PHKB: variants seen among roughly 807,000 people sequenced by gnomAD.
PHKB encodes the protein phosphorylase kinase regulatory subunit beta, also known as phosphorylase b kinase regulatory subunit beta.
PHKB carries 122 observed loss-of-function variants against 152.1 expected under a neutral mutation model. The observed-to-expected ratio is 0.80, with a 90% CI of 0.69 to 0.93. The LOEUF is 0.93. PHKB is among the 40% of genes least tolerant of loss of function. PHKB has a pLI of 0.00. For synonymous variants in PHKB, 436 were observed against 464.9 expected, an observed-to-expected ratio of 0.94 and a Z score of 0.80; for missense variants, 1,304 against 1,328.4, an observed-to-expected ratio of 0.98 and a Z score of 0.29.
chr16:47,502,894 A>G, intron 3 of PHKB, 97 bp from the exon 4 acceptor site: 1 of 778,494 alleles, frequency 1.3e-6, no homozygotes. Flanking sequence ...ACCAGAACAC[A>G]GGATTAGCCA....
rs111970242 is a variant in PHKB at position 47,649,153 on chromosome 16, A to G, written c.1746A>G (p.Leu582=). 1.7e-4 allele frequency: 267 copies of G among 1,610,656 alleles called. 4 individuals are homozygous for G. The African/African-American group carries it at 2.8e-3, about 17-fold the overall frequency. ...TTTGTTACCCGATTATTTTCGACCTAAGTGATTTCTACATGTCTCAGGATG... is the reference window on the plus strand; with the variant it reads ...TTTGTTACCCGATTATTTTCGACCTGAGTGATTTCTACATGTCTCAGGATG... ...TVVCYPIIFD[L]SDFYMSQDVF... The change falls in exon 18 of 31, where the codon CTA becomes CTG. Residue 582 remains leucine, a synonymous_variant. Transcript: ENST00000323584.
chr16:47,561,456 A>G (rs1378267516), intron 7 of PHKB: 1 of 152,226 alleles, frequency 6.6e-6, no homozygotes, highest in East Asian at 1.9e-4. Context: ...TCAATGAGAA[A>G]TTGTACAAGA....
Position 47,477,450 on chromosome 16 carries a change from T to C in PHKB, c.76+16024T>C, listed in dbSNP as rs560824717. ...ATGAACTTTCCAGCACTATGTGTTGTCTAATAATTTAAACTTTTTACTTGG... is the reference window on the plus strand; with the variant it reads ...ATGAACTTTCCAGCACTATGTGTTGCCTAATAATTTAAACTTTTTACTTGG... On this transcript the variant is annotated intron_variant, in intron 1 of 30. Coordinates refer to ENST00000323584, the MANE Select transcript of PHKB (RefSeq NM_000293.3). 3.3e-5 allele frequency among the ~76,000 whole-genome samples: 5 copies of C among 152,284 alleles called. No homozygotes were observed. The East Asian group carries it at 7.7e-4, about 23-fold the overall frequency.
chr16:47,636,912 G>C (rs988869280), intron 14 of PHKB, among the ~76,000 whole-genome samples: 1 of 152,174 alleles, frequency 6.6e-6, no homozygotes, highest in African/African-American at 2.4e-5. Flanking sequence ...AGCCCAGAGT[G>C]AGAAACTGTG....
chr16:47,519,549 C>CA (rs1400215855), intron 6 of PHKB, among the ~76,000 whole-genome samples: 2 of 152,180 alleles, frequency 1.3e-5, no homozygotes, highest in African/African-American at 4.8e-5. Context: ...CTGTTATTAG[C>CA]AAGAGACCTT....
At chr16:47,673,083 A>T (rs936628968) in intron 26 of PHKB, among the ~76,000 whole-genome samples, 1 of 151,792 alleles carries the variant, frequency 6.6e-6, no homozygotes, top group African/African-American at 2.4e-5. Flanking sequence ...GTCTCACGAG[A>T]TCAGTTCTAA....
chr16:47,538,362 G>C (rs1187436097), intron 6 of PHKB, among the ~76,000 whole-genome samples: 1 of 152,216 alleles, frequency 6.6e-6, no homozygotes, highest in Non-Finnish European at 1.5e-5. Flanking sequence ...CCCGAGTTGG[G>C]TAAGCTGAGG....
At chr16:47,527,907 T>A (rs1427014866) in intron 6 of PHKB, among the ~76,000 whole-genome samples, 1 of 152,154 alleles carries the variant, frequency 6.6e-6, no homozygotes, top group East Asian at 1.9e-4. Flanking sequence ...GAGCAAGGTC[T>A]CAGGAGAAAC....
chr16:47,473,214 G>T (rs1304674883), intron 1 of PHKB, among the ~76,000 whole-genome samples: 2 of 95,010 alleles, frequency 2.1e-5, no homozygotes, highest in African/African-American at 6.6e-5. Context: ...ACCATGCCTG[G>T]CTAATTTTTT....
intron 7 of PHKB, chr16:47,565,308 T>C: frequency 1.3e-6 from 1 of 759,576 alleles, no homozygotes; most frequent in Non-Finnish European, 2.4e-6. Flanking sequence ...GTTTGGTCTT[T>C]GGGGACATTC....
intron 26 of PHKB, among the ~76,000 whole-genome samples, chr16:47,680,405 A>C (rs963113562): frequency 6.6e-6 from 1 of 151,910 alleles, no homozygotes; most frequent in Non-Finnish European, 1.5e-5. Flanking sequence ...GTCCTGGACT[A>C]TTTTTGGTTG....
In PHKB at chr16:47,626,256, G is replaced by C. The variant is rs1972708501; in HGVS notation, c.1459-14779G>C. Among the ~76,000 whole-genome samples, 3 of 152,248 alleles carry C rather than the reference G, an allele frequency of 2.0e-5. No homozygotes were observed. In the South Asian group the frequency reaches 6.2e-4, roughly 31 times the overall value. ...AGAAACAGTTTGGCCTCAACTCAGT[G>C]AAGATGGCTCTGTGGTGCTAAAGGC... On this transcript the variant is annotated intron_variant, in intron 14 of 30. Coordinates refer to ENST00000323584, the MANE Select transcript of PHKB (RefSeq NM_000293.3).
rs557883273 is a variant in PHKB at position 47,595,128 on chromosome 16, A to G, written c.1204+914A>G. Reference sequence around the variant, plus strand: ...GAGAAATAATGTATTAAATTTTGTAATGCATGTAATATTTGAAATCCTTTG... The same window carrying G: ...GAGAAATAATGTATTAAATTTTGTAGTGCATGTAATATTTGAAATCCTTTG... On this transcript the variant is annotated intron_variant, in intron 12 of 30. Coordinates refer to ENST00000323584, the MANE Select transcript of PHKB (RefSeq NM_000293.3). Among the ~76,000 whole-genome samples the G allele has an allele frequency of 4.6e-5, 7 of 152,336 alleles. No homozygotes were observed. In the East Asian group the frequency reaches 1.3e-3, roughly 29 times the overall value.
chr16:47,553,102 C>T (rs1971302976), intron 7 of PHKB, among the ~76,000 whole-genome samples: 1 of 152,082 alleles, frequency 6.6e-6, no homozygotes, highest in Non-Finnish European at 1.5e-5. Flanking sequence ...TGGGGAAGTT[C>T]TCCTGGATAA....
At chr16:47,668,865 C>T (rs1973586051) in intron 25 of PHKB, among the ~76,000 whole-genome samples, 2 of 152,100 alleles carry the variant, frequency 1.3e-5, no homozygotes, top group Non-Finnish European at 2.9e-5. Flanking sequence ...TAAAGTGAAA[C>T]TCTTCAACCT....
rs758161607 is a variant in PHKB, at chr16:47,649,195, T to C, written c.1788T>C (p.Asp596=). The change falls in exon 18 of 31, where the codon GAT becomes GAC. Residue 596 remains aspartate (D), a synonymous_variant. Transcript: ENST00000323584. Reference sequence around the variant, plus strand: ...CTCAGGATGTTTTCCTGCTGATAGATGACATAAAGGTAGCTTCGGAACACC... The same window carrying C: ...CTCAGGATGTTTTCCTGCTGATAGACGACATAAAGGTAGCTTCGGAACACC... ...YMSQDVFLLI[D]DIKNALQFIK... 6 of 1,566,938 alleles carry C rather than the reference T, an allele frequency of 3.8e-6. No homozygotes were observed. The highest frequency in any genetic ancestry group is 1.7e-5 in the Admixed American group (1 of 59,960).
Position 47,464,843 on chromosome 16 carries a change from G to T in PHKB, c.76+3417G>T, listed in dbSNP as rs528464806. Among the ~76,000 whole-genome samples the T allele has an allele frequency of 3.9e-5, 6 of 152,276 alleles. No individual in the cohort carries two copies. In the East Asian group the frequency reaches 1.2e-3, roughly 29 times the overall value. ...ACTAGAAAACTCGGAGAAGCCTGCT[G>T]GTAAGAGATTACCTTTTCTATAATG... On this transcript the variant is annotated intron_variant, in intron 1 of 30. Transcript: ENST00000323584.
intron 16 of PHKB, among the ~76,000 whole-genome samples, chr16:47,642,871 A>C (rs978073781): frequency 3.9e-5 from 6 of 152,182 alleles, no homozygotes; most frequent in African/African-American, 9.7e-5. Flanking sequence ...TCACGCCCAG[A>C]TGTACATAAT....
At chr16:47,559,831 G>A (rs1597085720) in intron 7 of PHKB, among the ~76,000 whole-genome samples, 1 of 152,290 alleles carries the variant, frequency 6.6e-6, no homozygotes, top group East Asian at 1.9e-4. Flanking sequence ...TTGATGGGGA[G>A]GAGTGTCAAA....
Sources: gnomAD v4.1 joint callset for allele counts (sites outside exome capture counted in the v4.1 genomes callset) on GRCh38, gnomAD v4.1.1 for gene constraint, MANE v1.5 for transcripts, NCBI Gene and HGNC (gene_info 2026-07-23, HGNC 2026-07-21) for gene names.